Variants in TMEM132D observed in about 807,000 individuals in gnomAD.
The protein encoded by TMEM132D is mature OL transmembrane protein.
Under a neutral mutation model 62.3 loss-of-function variants are expected in TMEM132D, and 21 were observed. The observed-to-expected ratio is 0.34, with a 90% CI of 0.24 to 0.49. The LOEUF is 0.49. Among genes scored for constraint, TMEM132D ranks in the 20% least tolerant of loss-of-function variants. TMEM132D has a pLI of 0.99. For missense variants in TMEM132D, 1,346 were observed against 1,402.8 expected (o/e 0.96, Z 0.65); for synonymous variants, 621 against 575.6 (o/e 1.08, Z -1.13).
intron 3 of TMEM132D, among the ~76,000 whole-genome samples, chr12:129,479,790 T>C (rs2137052561): frequency 7.3e-6 from 1 of 137,812 alleles, no homozygotes. Context: ...TTGAAGAAAG[T>C]TCTCACTGTG....
intron 1 of TMEM132D, among the ~76,000 whole-genome samples, chr12:129,878,683 T>A (rs1874505038): frequency 6.6e-6 from 1 of 152,126 alleles, no homozygotes; most frequent in African/African-American, 2.4e-5. Context: ...TTCAAACGAT[T>A]TTCCTGCCTC....
intron 3 of TMEM132D, among the ~76,000 whole-genome samples, chr12:129,495,237 G>C (rs1300980949): frequency 9.2e-6 from 1 of 108,716 alleles, no homozygotes; most frequent in Admixed American, 8.9e-5. Flanking sequence ...ATAATTTCAA[G>C]GATATAAGCA....
At chr12:129,782,597 G>T (rs1171525100) in intron 1 of TMEM132D, among the ~76,000 whole-genome samples, 2 of 152,228 alleles carry the variant, frequency 1.3e-5, no homozygotes, top group Non-Finnish European at 2.9e-5. Context: ...AAGGGGAAGG[G>T]AAAAGGAAGC....
At chr12:129,365,659 T>C (rs761262134) in intron 3 of TMEM132D, among the ~76,000 whole-genome samples, 2 of 152,064 alleles carry the variant, frequency 1.3e-5, no homozygotes, top group Non-Finnish European at 2.9e-5. Context: ...CAGGGAGCCT[T>C]GGAGCAAGAA....
intron 1 of TMEM132D, among the ~76,000 whole-genome samples, chr12:129,738,394 GAAAAGGAA>G (rs1216653382): frequency 1.3e-5 from 2 of 151,944 alleles, no homozygotes; most frequent in African/African-American, 2.4e-5. Flanking sequence ...GAAGAAAAAA[GAAAAGGAA>G]AAAAGGAAGA....
intron 2 of TMEM132D, among the ~76,000 whole-genome samples, chr12:129,567,714 C>A (rs1877407667): frequency 1.3e-5 from 2 of 152,068 alleles, no homozygotes; most frequent in South Asian, 4.2e-4. Context: ...TTTATGTTAC[C>A]ATTTAATGGC....
intron 1 of TMEM132D, among the ~76,000 whole-genome samples, chr12:129,720,953 G>A (rs1868801415): frequency 6.6e-6 from 1 of 152,252 alleles, no homozygotes; most frequent in South Asian, 2.1e-4. Context: ...CCCTCCAGGA[G>A]CTGACAGCCA....
chr12:129,090,017 A>T (rs1874856006), intron 5 of TMEM132D, among the ~76,000 whole-genome samples: 1 of 152,208 alleles, frequency 6.6e-6, no homozygotes, highest in African/African-American at 2.4e-5. Context: ...CAAACATTGT[A>T]AAGAGCATTT....
At chr12:129,397,650 T>C (rs767151624) in intron 3 of TMEM132D, among the ~76,000 whole-genome samples, 4 of 152,204 alleles carry the variant, frequency 2.6e-5, no homozygotes, top group Non-Finnish European at 5.9e-5. Flanking sequence ...CCCAGAAATG[T>C]GTCTAACATA....
intron 4 of TMEM132D, among the ~76,000 whole-genome samples, chr12:129,299,531 CA>C (rs1280787600): frequency 6.7e-6 from 1 of 148,222 alleles, no homozygotes; most frequent in East Asian, 2.0e-4. Context: ...GACTCATTTA[CA>C]GATAGCTAAG....
At chr12:129,452,717 GA>G (rs1487991613) in intron 3 of TMEM132D, among the ~76,000 whole-genome samples, 4 of 129,926 alleles carry the variant, frequency 3.1e-5, no homozygotes, top group Non-Finnish European at 6.7e-5. Context: ...AAGAAGAAAG[GA>G]GGGGAGAGAG....
chr12:129,429,173 C>A (rs35002198), intron 3 of TMEM132D, among the ~76,000 whole-genome samples: 31,729 of 132,474 alleles, frequency 0.24, 4,508 homozygotes, highest in African/African-American at 0.36. Context: ...CCTTCAAGTT[C>A]CTCACTGTAG....
chr12:129,849,547 A>G (rs1473466362), intron 1 of TMEM132D, among the ~76,000 whole-genome samples: 1 of 152,220 alleles, frequency 6.6e-6, no homozygotes, highest in Non-Finnish European at 1.5e-5. Flanking sequence ...TTTATACCAC[A>G]TAATTACTAA....
chr12:129,394,241 A>T (rs1380487539), intron 3 of TMEM132D, among the ~76,000 whole-genome samples: 1 of 152,174 alleles, frequency 6.6e-6, no homozygotes, highest in East Asian at 1.9e-4. Context: ...GTTTCTGCTC[A>T]GATACATGAA....
intron 3 of TMEM132D, among the ~76,000 whole-genome samples, chr12:129,450,060 C>A (rs758862809): frequency 6.6e-6 from 1 of 152,044 alleles, no homozygotes; most frequent in Non-Finnish European, 1.5e-5. Flanking sequence ...CACTTCTGCA[C>A]GGGTTTTTTT....
intron 3 of TMEM132D, among the ~76,000 whole-genome samples, chr12:129,507,329 C>G (rs1426143434): frequency 6.6e-6 from 1 of 152,148 alleles, no homozygotes. Flanking sequence ...AAAAGTAGAA[C>G]TACCATTTGA....
At chr12:129,212,418 C>T (rs1385569916) in intron 4 of TMEM132D, 2 of 152,034 alleles carry the variant, frequency 1.3e-5, no homozygotes, top group African/African-American at 2.4e-5. Context: ...TTTGCCTTTT[C>T]CAGGAGGTGA....
intron 2 of TMEM132D, among the ~76,000 whole-genome samples, chr12:129,638,595 T>TAA: frequency 2.1e-5 from 3 of 140,352 alleles, no homozygotes; most frequent in South Asian, 2.3e-4. Flanking sequence ...AATATATATT[T>TAA]TTATATATAT....
chr12:129,363,611 G>A (rs577393172), intron 3 of TMEM132D, among the ~76,000 whole-genome samples: 1 of 152,274 alleles, frequency 6.6e-6, no homozygotes, highest in African/African-American at 2.4e-5. Flanking sequence ...TCATATGAAA[G>A]AGATGATTCT....
Sources: gnomAD v4.1 joint callset for allele counts (sites outside exome capture counted in the v4.1 genomes callset) on GRCh38, gnomAD v4.1.1 for gene constraint, MANE v1.5 for transcripts, NCBI Gene and HGNC (gene_info 2026-07-23, HGNC 2026-07-21) for gene names.